Variants in MAPRE1 observed in about 807,000 individuals in gnomAD.
MAPRE1 encodes the protein microtubule-associated protein RP/EB family member 1.
Under a neutral mutation model 32.1 loss-of-function variants are expected in MAPRE1, and 5 were observed. The observed-to-expected ratio is 0.16, with a 90% confidence interval of 0.08 to 0.33. The LOEUF is 0.33. MAPRE1 is among the 10% of genes least tolerant of loss of function. The probability of loss-of-function intolerance (pLI) is 1.00; values close to 1 mark genes in which losing one functional copy is unlikely to be tolerated. For synonymous variants in MAPRE1, 122 were observed against 118.9 expected, an observed-to-expected ratio of 1.03 and a Z score of -0.17; for missense variants, 209 against 327.2, an observed-to-expected ratio of 0.64 and a Z score of 2.79.
chr20:32,825,808 A>AT, intron 1 of MAPRE1, 117 bp from the exon 2 acceptor site: 1 of 715,512 alleles, frequency 1.4e-6, no homozygotes, highest in Non-Finnish European at 2.1e-6. Flanking sequence ...ATAAAATAAA[A>AT]TAAAATAAAA....
chr20:32,836,310 T>C (rs1402988872), intron 3 of MAPRE1, among the ~76,000 whole-genome samples: 2 of 152,246 alleles, frequency 1.3e-5, no homozygotes, highest in Non-Finnish European at 2.9e-5. Flanking sequence ...GCGGACCTAC[T>C]CTTTATAGCA....
chr20:32,826,760 G>T (rs1354259737), intron 2 of MAPRE1, among the ~76,000 whole-genome samples: 1 of 151,678 alleles, frequency 6.6e-6, no homozygotes, highest in East Asian at 2.0e-4. Context: ...CAAATGATCT[G>T]CCTGCCTCAG....
intron 6 of MAPRE1, among the ~76,000 whole-genome samples, chr20:32,847,621 TG>T (rs1401432414): frequency 1.2e-4 from 18 of 152,218 alleles, no homozygotes; most frequent in Non-Finnish European, 2.2e-4. Flanking sequence ...TGCTATGTAA[TG>T]AAAAAAAGAC....
Position 32,848,947 on chromosome 20 carries a change from TGGTTCACCTGGAAAACAGAGAGGCTGACC to T in MAPRE1, c.*221_*249del. 2.6e-6 allele frequency: 1 copy of T among 380,190 alleles called. No homozygotes were observed. The highest frequency in any genetic ancestry group is 2.1e-5 in the African/African-American group (1 of 48,398). The allele number at this position is 380,190 out of a possible 1,614,324, so 23.6% of individuals were successfully genotyped here. On this transcript the variant is annotated 3_prime_UTR_variant, in exon 7 of 7. Transcript: ENST00000375571. The stretch of plus-strand genomic sequence containing the variant: ...TAGCAGAGCAGTATTAACACCTAGT[TGGTTCACCTGGAAAACAGAGAGGCTGACC>T]GTGGGGCTCACCATGCGGATGCGGG...
chr20:32,820,496 C>T (rs747698081), intron 1 of MAPRE1, among the ~76,000 whole-genome samples: 1 of 152,064 alleles, frequency 6.6e-6, no homozygotes, highest in African/African-American at 2.4e-5. Flanking sequence ...GCTTTAACCG[C>T]TGTGGATCTC....
In MAPRE1 at chr20:32,846,912, T is replaced by C. The variant is rs1285686695; in HGVS notation, c.750+142T>C. 14 of 837,658 alleles carry C rather than the reference T, an allele frequency of 1.7e-5. No individual in the cohort carries two copies. The Admixed American group carries it at 3.2e-4, about 19-fold the overall frequency. The allele number at this position is 837,658 out of a possible 1,614,324, so 51.9% of individuals were successfully genotyped here. A position where few individuals can be genotyped will look rare whatever the true frequency, so the allele number is the denominator to read the frequency against. ...CCCTCAAAGTCAGCCAGAGGGCATCTCTGCCCAGCTTTAGCTTCTGCCTGA... is the reference window on the plus strand; with the variant it reads ...CCCTCAAAGTCAGCCAGAGGGCATCCCTGCCCAGCTTTAGCTTCTGCCTGA... On this transcript the variant is annotated intron_variant, in intron 6 of 6. Transcript: ENST00000375571.
At chr20:32,827,443 G>T (rs1442898808) in intron 2 of MAPRE1, among the ~76,000 whole-genome samples, 1 of 152,038 alleles carries the variant, frequency 6.6e-6, no homozygotes, top group East Asian at 1.9e-4. Flanking sequence ...TTTAAAAGAA[G>T]AACAAAAACA....
At chr20:32,827,093 C>T (rs1190703746) in intron 2 of MAPRE1, among the ~76,000 whole-genome samples, 1 of 152,034 alleles carries the variant, frequency 6.6e-6, no homozygotes, top group East Asian at 1.9e-4. Flanking sequence ...TACTGTTTAA[C>T]AATAATTTGG....
chr20:32,841,972 ATAATGTTCTT>A (rs1254510428), intron 5 of MAPRE1, among the ~76,000 whole-genome samples: 1 of 151,938 alleles, frequency 6.6e-6, no homozygotes, highest in Non-Finnish European at 1.5e-5. Flanking sequence ...ATAGAGTAGA[ATAATGTTCTT>A]TAAAAGTTCA....
chr20:32,842,350 G>T (rs1983388612), intron 5 of MAPRE1, among the ~76,000 whole-genome samples: 1 of 152,218 alleles, frequency 6.6e-6, no homozygotes, highest in African/African-American at 2.4e-5. Context: ...CTCCTAAAGT[G>T]CTAGCATTAC....
At position 32,836,753 on chromosome 20, in the gene MAPRE1, C is replaced by T; in HGVS notation, c.387C>T (p.Ala129=). The T allele has an allele frequency of 6.2e-7, 1 of 1,614,010 alleles. No individual in the cohort carries two copies. Among genetic ancestry groups the T allele is most frequent in the Non-Finnish European group, 8.5e-7 (1 of 1,179,902 alleles). The change falls in exon 4 of 7, where the codon GCC becomes GCT. Residue 129 remains alanine (A), a synonymous_variant. Coordinates refer to ENST00000375571, the MANE Select transcript of MAPRE1 (RefSeq NM_012325.3). ...GAAAAGACTATGACCCTGTGGCTGC[C>T]AGACAAGGTCAAGAAACTGCAGTGG... is the stretch of plus-strand genomic sequence containing the variant. The part of the protein sequence containing the change: ...YDGKDYDPVA[A]RQGQETAVAP...
At chr20:32,824,058 G>A (rs1982774452) in intron 1 of MAPRE1, among the ~76,000 whole-genome samples, 1 of 152,168 alleles carries the variant, frequency 6.6e-6, no homozygotes, top group Non-Finnish European at 1.5e-5. Context: ...TCTCAGAGAG[G>A]CTTCCTCTGA....
chr20:32,828,119 T>A (rs942706144), intron 2 of MAPRE1, among the ~76,000 whole-genome samples: 1 of 152,004 alleles, frequency 6.6e-6, no homozygotes, highest in Non-Finnish European at 1.5e-5. Context: ...TGCCCAAGAG[T>A]TGTGTTTATT....
Position 32,836,733 on chromosome 20 carries a change from G to C in MAPRE1, c.367G>C (p.Asp123His). 2 of 1,613,924 alleles carry C rather than the reference G, an allele frequency of 1.2e-6. No homozygotes were observed. The highest frequency in any genetic ancestry group is 1.7e-6 in the Non-Finnish European group (2 of 1,179,816). The change falls in exon 4 of 7, where the codon GAC becomes CAC. Residue 123 changes from aspartate (D) to histidine (H), a missense_variant. Physicochemically the swap from Asp to His is moderately conservative, Grantham distance 81 (BLOSUM62 -1). Around this residue, in one of 3 missense-constraint regions of MAPRE1, gnomAD observed 106 missense variants for 115.3 expected, o/e 0.92. Transcript: ENST00000375571. ...TTTCGATGCAAACTATGATGGAAAA[G>C]ACTATGACCCTGTGGCTGCCAGACA... is the stretch of plus-strand genomic sequence containing the variant. ...KFFDANYDGKDYDPVAARQGQ... is the reference protein window; with the variant it reads ...KFFDANYDGKHYDPVAARQGQ...
intron 2 of MAPRE1, among the ~76,000 whole-genome samples, chr20:32,831,305 A>G (rs986183094): frequency 2.0e-5 from 3 of 152,118 alleles, no homozygotes; most frequent in African/African-American, 7.2e-5. Flanking sequence ...CATGAAGAGA[A>G]TCATACTCGC....
intron 4 of MAPRE1, among the ~76,000 whole-genome samples, chr20:32,837,074 A>G (rs2146132740): frequency 1.3e-5 from 2 of 152,248 alleles, no homozygotes; most frequent in Non-Finnish European, 2.9e-5. Flanking sequence ...TCCTCTATAA[A>G]ATGGGAATTT....
intron 2 of MAPRE1, among the ~76,000 whole-genome samples, chr20:32,830,907 G>A (rs1983000871): frequency 6.6e-6 from 1 of 151,976 alleles, no homozygotes; most frequent in African/African-American, 2.4e-5. Flanking sequence ...TGTATTTTTA[G>A]TAGAGACGGG....
chr20:32,846,885 AC>A, intron 6 of MAPRE1, 115 bp downstream of exon 6: 1 of 1,176,996 alleles, frequency 8.5e-7, no homozygotes, highest in South Asian at 1.4e-5. Flanking sequence ...TTCATCTTTA[AC>A]CCCTCAAAGT....
chr20:32,827,427 T>A (rs1982887045), intron 2 of MAPRE1, among the ~76,000 whole-genome samples: 1 of 151,948 alleles, frequency 6.6e-6, no homozygotes, highest in East Asian at 1.9e-4. Flanking sequence ...GAAAAATAAG[T>A]AGTGATTTAA....
Sources: allele counts gnomAD v4.1 joint callset (sites outside exome capture counted in the v4.1 genomes callset), GRCh38; gene constraint gnomAD v4.1.1; regional missense constraint gnomAD v4.1.1; transcripts MANE v1.5; gene names NCBI Gene and HGNC (gene_info 2026-07-23, HGNC 2026-07-21).